AKAP12: variants seen among roughly 807,000 people sequenced by gnomAD.
The protein encoded by AKAP12 is A-kinase anchoring protein 12.
In AKAP12, 32 loss-of-function variants were observed where a neutral mutation model predicts 79.9. That is an observed-to-expected ratio of 0.40 (90% confidence interval 0.30 to 0.54). The LOEUF (loss-of-function observed/expected upper bound fraction) is 0.54, where lower values mean the gene tolerates loss of function less well. AKAP12 is among the 20% of genes least tolerant of loss of function. The pLI is 0.48. For missense variants in AKAP12, 2,074 were observed against 2,177.0 expected (o/e 0.95, Z 0.94); for synonymous variants, 808 against 857.0 (o/e 0.94, Z 1.00).
In AKAP12 at chr6:151,294,098, C is replaced by T. The variant is rs538527303; in HGVS notation, c.163-11649C>T. ...AAGCAATTCTCCTGCCTCAGCCTCC[C>T]GAGTAGCTGGGACTACAGGCGAGTG... On this transcript the variant is annotated intron_variant, in intron 2 of 4. Transcript: ENST00000402676. 3.3e-5 allele frequency among the ~76,000 whole-genome samples: 5 copies of T among 152,078 alleles called. No individual in the cohort carries two copies. The East Asian group carries it at 7.8e-4, about 24-fold the overall frequency.
At chr6:151,314,347 C>T (rs983443327) in intron 3 of AKAP12, among the ~76,000 whole-genome samples, 1 of 152,090 alleles carries the variant, frequency 6.6e-6, no homozygotes, top group Non-Finnish European at 1.5e-5. Flanking sequence ...TCTTAAAAGC[C>T]ATTTTCTATA....
intron 2 of AKAP12, among the ~76,000 whole-genome samples, chr6:151,300,658 T>C (rs1302833172): frequency 6.6e-6 from 1 of 152,110 alleles, no homozygotes; most frequent in Non-Finnish European, 1.5e-5. Context: ...ACATTCTTGG[T>C]TGTTGTTCTT....
rs138985313 is a variant in AKAP12 at position 151,324,385 on chromosome 6, T to C, written c.319+18482T>C. On this transcript the variant is annotated intron_variant, in intron 3 of 4. Coordinates refer to ENST00000402676, the MANE Select transcript of AKAP12 (RefSeq NM_005100.4). Reference sequence around the variant, plus strand: ...AGCAAGGAAGCGGTTTTCACGTTGCTCACTCTGGGCCCGAGTGTGGTGCAT... The same window carrying C: ...AGCAAGGAAGCGGTTTTCACGTTGCCCACTCTGGGCCCGAGTGTGGTGCAT... 3.5e-3 allele frequency: 3,454 copies of C among 985,414 alleles called. 6 individuals carry two copies. Among genetic ancestry groups the C allele is most frequent in the Non-Finnish European group, 4.0e-3 (3,283 of 829,924 alleles). 61.0% of individuals were successfully genotyped at this position (985,414 alleles called of 1,614,324 possible). A position where few individuals can be genotyped will look rare whatever the true frequency, so the allele number is the denominator to read the frequency against.
At chr6:151,267,537 C>G (rs1053593947) in intron 2 of AKAP12, among the ~76,000 whole-genome samples, 1 of 152,186 alleles carries the variant, frequency 6.6e-6, no homozygotes, top group African/African-American at 2.4e-5. Context: ...ATGCCAAACC[C>G]TGGCCAACAG....
intron 2 of AKAP12, among the ~76,000 whole-genome samples, chr6:151,298,291 G>T (rs899422522): frequency 7.2e-5 from 11 of 152,214 alleles, no homozygotes; most frequent in Non-Finnish European, 1.3e-4. Context: ...AGGTGTTATT[G>T]TTGAGTGCAG....
At position 151,353,756 on chromosome 6, in the gene AKAP12, A is replaced by G. The variant is rs1778365728; in HGVS notation, c.*12+4A>G. Reference sequence around the variant, plus strand: ...AGAATCTTAAAACATCATGCAGGTAAGCTTCCTTGTCTTCTAAGATAATTT... The same window carrying G: ...AGAATCTTAAAACATCATGCAGGTAGGCTTCCTTGTCTTCTAAGATAATTT... On this transcript the variant is annotated splice_donor_region_variant and intron_variant, in intron 4 of 4. Transcript: ENST00000402676. 1.3e-6 allele frequency: 2 copies of G among 1,524,552 alleles called. No homozygotes were observed. Among genetic ancestry groups the G allele is most frequent in the South Asian group, 2.6e-5 (2 of 76,684 alleles). The allele number at this position is 1,524,552 out of a possible 1,614,324, so 94.4% of individuals were successfully genotyped here.
intron 3 of AKAP12, among the ~76,000 whole-genome samples, chr6:151,342,132 C>G (rs565566779): frequency 6.6e-6 from 1 of 152,334 alleles, no homozygotes; most frequent in South Asian, 2.1e-4. Flanking sequence ...ACCCAGGCCT[C>G]AAAAAGTCAC....
Position 151,273,815 on chromosome 6 carries a change from G to T in AKAP12, c.163-31932G>T, listed in dbSNP as rs1487898952. Among the ~76,000 whole-genome samples, 5 of 152,124 alleles carry T rather than the reference G, an allele frequency of 3.3e-5. 1 individual carries two copies. In the East Asian group the frequency reaches 7.8e-4, roughly 24 times the overall value. On this transcript the variant is annotated intron_variant, in intron 2 of 4. Coordinates refer to ENST00000402676, the MANE Select transcript of AKAP12 (RefSeq NM_005100.4). Reference sequence around the variant, plus strand: ...GAGGCTGAGGCGGGTGGATCATGAGGTCAGGAGTTCAAGACCAGCCTGACC... The same window carrying T: ...GAGGCTGAGGCGGGTGGATCATGAGTTCAGGAGTTCAAGACCAGCCTGACC...
chr6:151,326,813 T>C (rs1437433540), intron 3 of AKAP12, among the ~76,000 whole-genome samples: 3 of 106,144 alleles, frequency 2.8e-5, no homozygotes, highest in Non-Finnish European at 5.0e-5. Flanking sequence ...TTTTTTTGTT[T>C]GTTTGTTTTT....
At chr6:151,283,317 TAGGATTTG>T (rs1416600045) in intron 2 of AKAP12, among the ~76,000 whole-genome samples, 2 of 151,978 alleles carry the variant, frequency 1.3e-5, no homozygotes, top group East Asian at 3.9e-4. Flanking sequence ...AAAGAAATGG[TAGGATTTG>T]AGGGAGCATG....
At chr6:151,259,500 G>GTGTA (rs1325833835) in intron 2 of AKAP12, among the ~76,000 whole-genome samples, 17 of 118,268 alleles carry the variant, frequency 1.4e-4, no homozygotes, top group South Asian at 1.1e-3. Flanking sequence ...ACATATACAT[G>GTGTA]TATATATATA....
chr6:151,354,455 G>A (rs1278795996), intron 4 of AKAP12, among the ~76,000 whole-genome samples: 1 of 151,198 alleles, frequency 6.6e-6, no homozygotes, highest in African/African-American at 2.4e-5. Context: ...CTCACTGCAA[G>A]CTCCGCCTCC....
intron 2 of AKAP12, among the ~76,000 whole-genome samples, chr6:151,288,239 G>T (rs1776545645): frequency 2.0e-5 from 3 of 152,044 alleles, no homozygotes; most frequent in African/African-American, 7.2e-5. Context: ...TTATGGCTGG[G>T]TGCAGTGGCC....
At chr6:151,276,608 C>G (rs1188711457) in intron 2 of AKAP12, among the ~76,000 whole-genome samples, 1 of 152,256 alleles carries the variant, frequency 6.6e-6, no homozygotes, top group Non-Finnish European at 1.5e-5. Flanking sequence ...AGAGCAATCT[C>G]CCAGTGGACG....
intron 3 of AKAP12, 26 bp from the exon 4 acceptor site, chr6:151,348,685 A>ACACCCC: frequency 6.1e-6 from 1 of 164,742 alleles, no homozygotes; most frequent in Non-Finnish European, 1.2e-5. Context: ...TCTTCTCCCC[A>ACACCCC]CCCCCCCGCC....
At chr6:151,355,600 C>T (rs941626599) in intron 4 of AKAP12, 127 bp from the exon 5 acceptor site, 4 of 152,420 alleles carry the variant, frequency 2.6e-5, no homozygotes, top group East Asian at 1.9e-4. Context: ...CGCGCCCGGC[C>T]CCATCTTTGT....
chr6:151,331,080 G>A (rs1345781471), intron 3 of AKAP12, among the ~76,000 whole-genome samples: 1 of 152,180 alleles, frequency 6.6e-6, no homozygotes, highest in East Asian at 1.9e-4. Flanking sequence ...GTTAATAGCA[G>A]GTAACAACAC....
In AKAP12 at chr6:151,352,131, A is replaced by G. The variant is rs546987694; in HGVS notation, c.3740A>G (p.Asp1247Gly). ...SKMEDTLEHT[D>G]KEVSVETVSI... ...ATGGAAGACACTCTAGAGCATACAG[A>G]TAAAGAGGTGTCAGTGGAAACTGTA... The change falls in exon 4 of 5, where the codon GAT (aspartate) becomes GGT (glycine). Residue 1247 changes from aspartate to glycine, a missense_variant. Asp to Gly is a moderately conservative substitution (Grantham distance 94). This residue lies in a region of AKAP12 where 614 missense variants were observed against 665.6 expected (regional missense o/e 0.92). Coordinates refer to ENST00000402676, the MANE Select transcript of AKAP12 (RefSeq NM_005100.4). 49 of 1,614,178 alleles carry G rather than the reference A, an allele frequency of 3.0e-5. 2 individuals are homozygous for G. In the South Asian group the frequency reaches 5.4e-4, roughly 18 times the overall value.
intron 2 of AKAP12, among the ~76,000 whole-genome samples, chr6:151,294,223 C>T (rs553867735): frequency 2.6e-5 from 4 of 152,302 alleles, no homozygotes; most frequent in East Asian, 3.9e-4. Flanking sequence ...CCACCCGCCT[C>T]GGCCTCCCAA....
Sources: gnomAD v4.1 joint callset for allele counts (sites outside exome capture counted in the v4.1 genomes callset) on GRCh38, gnomAD v4.1.1 for gene constraint, gnomAD v4.1.1 regional missense constraint, MANE v1.5 for transcripts, NCBI Gene and HGNC (gene_info 2026-07-23, HGNC 2026-07-21) for gene names.